Variants in SGIP1 observed in about 807,000 individuals in gnomAD.
SGIP1 encodes the protein SH3-containing GRB2-like protein 3-interacting protein 1.
In SGIP1, 38 loss-of-function variants were observed where a neutral mutation model predicts 107.5. The observed-to-expected ratio is 0.35, with a 90% CI of 0.27 to 0.46. SGIP1 has a LOEUF of 0.46. Ranked by LOEUF, SGIP1 falls within the 20% of genes least tolerant of loss-of-function variation. The pLI is 1.00. For missense variants in SGIP1, 929 were observed against 1,019.5 expected, an observed-to-expected ratio of 0.91 and a Z score of 1.21; for synonymous variants, 365 against 366.1, an observed-to-expected ratio of 1.00 and a Z score of 0.03.
At chr1:66,686,356 A>T (rs374910271) in intron 15 of SGIP1, among the ~76,000 whole-genome samples, 1 of 152,252 alleles carries the variant, frequency 6.6e-6, no homozygotes, top group Non-Finnish European at 1.5e-5. Context: ...GAGCATGTCA[A>T]TCGTTGCCAA....
rs369377326 is a variant in SGIP1, at chr1:66,560,535, A to T, written c.10+26167A>T. ...TGGATAAATTTTACCATAAGCAATTAAAAAACAACCAGGTTTCTTAATAAC... is the reference window on the plus strand; with the variant it reads ...TGGATAAATTTTACCATAAGCAATTTAAAAACAACCAGGTTTCTTAATAAC... On this transcript the variant is annotated intron_variant, in intron 1 of 24. Transcript: ENST00000371037. Among the ~76,000 whole-genome samples the T allele has an allele frequency of 1.1e-4, 16 of 152,222 alleles. No individual in the cohort carries two copies. The East Asian group carries it at 2.1e-3, about 20-fold the overall frequency.
intron 9 of SGIP1, among the ~76,000 whole-genome samples, chr1:66,668,479 C>A (rs775039512): frequency 6.6e-6 from 1 of 152,096 alleles, no homozygotes; most frequent in Non-Finnish European, 1.5e-5. Flanking sequence ...TGAGCCACTG[C>A]GCCCAGCTGA....
intron 21 of SGIP1, among the ~76,000 whole-genome samples, chr1:66,736,322 T>C (rs867132771): frequency 2.0e-5 from 3 of 147,208 alleles, no homozygotes; most frequent in African/African-American, 7.4e-5. Context: ...ATAAATATGA[T>C]ATATGTGAAT....
intron 18 of SGIP1, among the ~76,000 whole-genome samples, chr1:66,702,880 T>C (rs946654521): frequency 6.6e-6 from 1 of 152,184 alleles, no homozygotes; most frequent in Admixed American, 6.6e-5. Flanking sequence ...GAACCCTGAG[T>C]GTCAGCTGCA....
chr1:66,710,368 T>G (rs60345885), intron 18 of SGIP1, among the ~76,000 whole-genome samples: 3,029 of 152,202 alleles, frequency 0.02, 97 homozygotes, highest in African/African-American at 0.069. Flanking sequence ...GTAAGGCAAA[T>G]TCTTCTTCAC....
intron 5 of SGIP1, among the ~76,000 whole-genome samples, chr1:66,640,942 C>G (rs183772175): frequency 8.1e-4 from 123 of 151,982 alleles, no homozygotes; most frequent in African/African-American, 2.9e-3. Context: ...GGCTGAGGCA[C>G]GAGAATTGCT....
chr1:66,568,908 A>G (rs1360864678), intron 1 of SGIP1, among the ~76,000 whole-genome samples: 1 of 151,992 alleles, frequency 6.6e-6, no homozygotes, highest in Non-Finnish European at 1.5e-5. Context: ...CTTGGGAACT[A>G]GCTGCTACCC....
chr1:66,568,816 A>G (rs2060002443), intron 1 of SGIP1, among the ~76,000 whole-genome samples: 2 of 151,972 alleles, frequency 1.3e-5, no homozygotes, highest in South Asian at 4.1e-4. Context: ...AAAATTCAAC[A>G]TCCCTTCATG....
intron 1 of SGIP1, among the ~76,000 whole-genome samples, chr1:66,567,510 A>G (rs2059814512): frequency 6.6e-6 from 1 of 152,136 alleles, no homozygotes; most frequent in Admixed American, 6.5e-5. Context: ...TAGTTTAATT[A>G]GATCCTATTT....
intron 10 of SGIP1, 76 bp downstream of exon 10, chr1:66,671,095 T>C (rs1038911481): frequency 2.9e-6 from 2 of 699,692 alleles, no homozygotes; most frequent in Non-Finnish European, 4.6e-6. Context: ...GGAGTATATG[T>C]ACATATGAAT....
chr1:66,585,590 G>GTA (rs2062483747), intron 1 of SGIP1, among the ~76,000 whole-genome samples: 1 of 151,826 alleles, frequency 6.6e-6, no homozygotes, highest in Non-Finnish European at 1.5e-5. Context: ...GTGTGTGTGT[G>GTA]TGTTTTGTTT....
At position 66,673,467 on chromosome 1, in the gene SGIP1, T is replaced by C. The variant is rs141670118; in HGVS notation, c.646+101T>C. ...TGTATTTTGAGGTATATTTTTAATA[T>C]ATTATTTTCGTGGGAAAGAAAAGTT... On this transcript the variant is annotated intron_variant, in intron 12 of 24. Coordinates refer to ENST00000371037, the MANE Select transcript of SGIP1 (RefSeq NM_032291.4). 1.4e-3 allele frequency: 1,517 copies of C among 1,091,984 alleles called. 22 individuals are homozygous for C. The African/African-American group carries it at 0.019, about 14-fold the overall frequency. 67.6% of individuals were successfully genotyped at this position (1,091,984 alleles called of 1,614,324 possible).
intron 17 of SGIP1, among the ~76,000 whole-genome samples, chr1:66,692,658 C>G (rs1028290080): frequency 6.6e-6 from 1 of 152,174 alleles, no homozygotes; most frequent in Non-Finnish European, 1.5e-5. Context: ...ATTTCAGCAG[C>G]AAATTCTCTG....
At chr1:66,558,336 G>C (rs2058470360) in intron 1 of SGIP1, among the ~76,000 whole-genome samples, 1 of 151,802 alleles carries the variant, frequency 6.6e-6, no homozygotes, top group Non-Finnish European at 1.5e-5. Flanking sequence ...AATAATTTTT[G>C]ACAAGAAGCC....
intron 1 of SGIP1, among the ~76,000 whole-genome samples, chr1:66,609,813 A>G (rs72918440): frequency 0.02 from 3,060 of 152,352 alleles, 105 homozygotes; most frequent in African/African-American, 0.071. Flanking sequence ...TGACTATTTT[A>G]GAAAAAACAA....
chr1:66,639,939 T>C, intron 5 of SGIP1, 106 bp downstream of exon 5: 1 of 871,448 alleles, frequency 1.1e-6, no homozygotes, highest in Non-Finnish European at 1.8e-6. Context: ...GCTCTCCATG[T>C]CATTAGGAAG....
At position 66,679,716 on chromosome 1, in the gene SGIP1, C is replaced by G. The variant is rs1196888780; in HGVS notation, c.778C>G (p.Pro260Ala). The G allele has an allele frequency of 6.2e-7, 1 of 1,605,416 alleles. No homozygotes were observed. The highest frequency in any genetic ancestry group is 8.5e-7 in the Non-Finnish European group (1 of 1,177,778). ...PLPPKNVPAT[P>A]PRTGSPLTIG... ...GCCTCCAAAAAATGTACCAGCTACC[C>G]CACCCCGAACAGGATCCCCCTTAAC... Residue 260 changes from proline (P) to alanine (A), a missense_variant, in exon 14 of 25, where the codon CCA becomes GCA. Physicochemically the swap from Pro to Ala is conservative, Grantham distance 27 (BLOSUM62 -1). Coordinates refer to ENST00000371037, the MANE Select transcript of SGIP1 (RefSeq NM_032291.4).
chr1:66,567,772 A>G (rs1373517299), intron 1 of SGIP1, among the ~76,000 whole-genome samples: 1 of 152,056 alleles, frequency 6.6e-6, no homozygotes, highest in African/African-American at 2.4e-5. Flanking sequence ...TCCTTTCCCC[A>G]TTGCTTGTTT....
chr1:66,590,690 CAT>C (rs1480996956), intron 1 of SGIP1: 2 of 152,194 alleles, frequency 1.3e-5, no homozygotes, highest in South Asian at 4.1e-4. Context: ...CAGGAAAAGA[CAT>C]AGAGGAATCT....
Sources: gnomAD v4.1 joint callset for allele counts (sites outside exome capture counted in the v4.1 genomes callset) on GRCh38, gnomAD v4.1.1 for gene constraint, MANE v1.5 for transcripts, NCBI Gene and HGNC (gene_info 2026-07-23, HGNC 2026-07-21) for gene names.